CAV1: variants seen among roughly 807,000 people sequenced by gnomAD.
CAV1 encodes the protein caveolin-1.
A neutral mutation model predicts 16.5 loss-of-function variants in CAV1; 10 were observed. The observed-to-expected ratio is 0.61, with a 90% confidence interval of 0.37 to 1.03. The LOEUF (loss-of-function observed/expected upper bound fraction) is 1.03. Among genes scored for constraint, CAV1 ranks in the 50% least tolerant of loss-of-function variants. CAV1 has a pLI of 0.01. For missense variants in CAV1, 212 were observed against 232.8 expected (o/e 0.91, Z 0.58); for synonymous variants, 76 against 85.1 (o/e 0.89, Z 0.59).
intron 2 of CAV1, among the ~76,000 whole-genome samples, chr7:116,555,627 G>A (rs576525459): frequency 5.0e-5 from 7 of 140,076 alleles, no homozygotes; most frequent in African/African-American, 1.6e-4. Context: ...AGAAGGGAGG[G>A]AGGGAGGGAG....
At chr7:116,525,372 C>T (rs867204449) in intron 1 of CAV1, 1 of 1,531,080 alleles carries the variant, frequency 6.5e-7, no homozygotes, top group Non-Finnish European at 8.8e-7. Flanking sequence ...TCTGTTGGGC[C>T]CAGGACGCGT....
chr7:116,547,873 A>G (rs1289829909), intron 2 of CAV1, among the ~76,000 whole-genome samples: 2 of 152,198 alleles, frequency 1.3e-5, no homozygotes, highest in East Asian at 3.8e-4. Flanking sequence ...CATCTTACAG[A>G]TAAGAAACTT....
rs1416536610 is a variant in CAV1, at chr7:116,534,440, C to A, written c.195+7751C>A. Among the ~76,000 whole-genome samples the A allele has an allele frequency of 2.6e-5, 3 of 116,256 alleles. No individual in the cohort carries two copies. The East Asian group carries it at 1.0e-3, about 39-fold the overall frequency. 76.3% of individuals were successfully genotyped at this position (116,256 alleles called of 152,430 possible). On this transcript the variant is annotated intron_variant, in intron 2 of 2. Transcript: ENST00000341049. ...TTTGAGACGATGTCTTGCTCTGTCA[C>A]CCAGGCTGGAGTGCAGTGGCATGAT...
intron 2 of CAV1, among the ~76,000 whole-genome samples, chr7:116,534,916 T>C (rs980615619): frequency 6.6e-6 from 1 of 152,216 alleles, no homozygotes; most frequent in African/African-American, 2.4e-5. Flanking sequence ...GCCAGTAGAA[T>C]ACTTGCGGGT....
chr7:116,537,298 C>T lies in CAV1; in HGVS notation c.195+10609C>T, dbSNP rs185411403. Reference sequence around the variant, plus strand: ...AGAACCATGTCTGATGAGATATCCCCTTTAAAGGGCTCTCGGTGCAATGGG... The same window carrying T: ...AGAACCATGTCTGATGAGATATCCCTTTTAAAGGGCTCTCGGTGCAATGGG... On this transcript the variant is annotated intron_variant, in intron 2 of 2. Coordinates refer to ENST00000341049, the MANE Select transcript of CAV1 (RefSeq NM_001753.5). Among the ~76,000 whole-genome samples the T allele has an allele frequency of 7.1e-3, 1,075 of 152,128 alleles. 13 individuals are homozygous for T. Among genetic ancestry groups the T allele is most frequent in the African/African-American group, 0.024 (993 of 41,486 alleles).
chr7:116,530,405 GA>G (rs1187949467), intron 2 of CAV1, among the ~76,000 whole-genome samples: 2 of 151,900 alleles, frequency 1.3e-5, no homozygotes, highest in African/African-American at 4.8e-5. Flanking sequence ...ATATGATAAG[GA>G]ATCAAAAGTA....
At position 116,525,653 on chromosome 7, in the gene CAV1, C is replaced by CGAGA; in HGVS notation, c.30+561_30+562insGAGA. 5.5e-6 allele frequency: 6 copies of CGAGA among 1,089,088 alleles called. No homozygotes were observed. The South Asian group carries it at 8.6e-5, about 16-fold the overall frequency. The allele number at this position is 1,089,088 out of a possible 1,614,324, so 67.5% of individuals were successfully genotyped here. On this transcript the variant is annotated intron_variant, in intron 1 of 2. Transcript: ENST00000341049. ...GGGTGTTCCGAGAGAGGTAGACCTCCCCTCCCCAAACTGCCACCATCACTT... is the reference window on the plus strand; with the variant it reads ...GGGTGTTCCGAGAGAGGTAGACCTCCGAGACCTCCCCAAACTGCCACCATCACTT...
intron 2 of CAV1, among the ~76,000 whole-genome samples, chr7:116,542,063 G>A (rs977038093): frequency 3.9e-5 from 6 of 152,152 alleles, no homozygotes; most frequent in South Asian, 4.1e-4. Context: ...TCAATCAGTG[G>A]TTGAAAATGC....
intron 2 of CAV1, 195 bp downstream of exon 2, chr7:116,526,884 C>A: frequency 1.6e-6 from 1 of 634,484 alleles, no homozygotes; most frequent in Non-Finnish European, 2.8e-6. Context: ...CATCTCCCTT[C>A]CCCCATCTCC....
intron 2 of CAV1, among the ~76,000 whole-genome samples, chr7:116,536,182 C>G (rs1793809843): frequency 6.6e-6 from 1 of 152,020 alleles, no homozygotes; most frequent in South Asian, 2.1e-4. Context: ...GGACAAGAAG[C>G]AAAGGAAAAA....
chr7:116,532,912 G>A (rs988120781), intron 2 of CAV1, among the ~76,000 whole-genome samples: 2 of 152,176 alleles, frequency 1.3e-5, no homozygotes, highest in African/African-American at 2.4e-5. Flanking sequence ...ACTGGAAAGC[G>A]TTCTAGTCCC....
intron 2 of CAV1, among the ~76,000 whole-genome samples, chr7:116,553,470 G>A (rs1310069277): frequency 1.3e-5 from 2 of 151,976 alleles, no homozygotes; most frequent in Non-Finnish European, 2.9e-5. Context: ...AAATATCACT[G>A]AAGTGCATTT....
intron 2 of CAV1, among the ~76,000 whole-genome samples, chr7:116,546,697 C>CAAAAAAAAAAAAAAAAAAAAT (rs5886830): frequency 1.1e-5 from 1 of 88,386 alleles, no homozygotes; most frequent in Non-Finnish European, 2.3e-5. Context: ...GACTCTGTCA[C>CAAAAAAAAAAAAAAAAAAAAT]AAAAAAAAAA....
intron 2 of CAV1, among the ~76,000 whole-genome samples, chr7:116,543,356 A>G (rs1793976859): frequency 6.6e-6 from 1 of 152,222 alleles, no homozygotes; most frequent in African/African-American, 2.4e-5. Context: ...CTGTTAATAT[A>G]CAGACCGTGG....
At chr7:116,527,948 T>G (rs1386846990) in intron 2 of CAV1, among the ~76,000 whole-genome samples, 4 of 152,228 alleles carry the variant, frequency 2.6e-5, no homozygotes, top group African/African-American at 9.7e-5. Flanking sequence ...GCAGCTTTTT[T>G]TGACTAGCTG....
rs1401946933 is a variant in CAV1 at position 116,560,783 on chromosome 7, A to C, written c.*1496A>C. ...CATACACTTATTGGAACTCTGCTTG[A>C]TTTTTGCCTCTTCCAGTCTTCCTGA... On this transcript the variant is annotated 3_prime_UTR_variant, in exon 3 of 3. Coordinates refer to ENST00000341049, the MANE Select transcript of CAV1 (RefSeq NM_001753.5). 2 of 152,188 alleles carry C rather than the reference A, an allele frequency of 1.3e-5. No individual in the cohort carries two copies. Among genetic ancestry groups the C allele is most frequent in the Non-Finnish European group, 2.9e-5 (2 of 67,986 alleles). The allele number at this position is 152,188 out of a possible 1,614,324, so 9.4% of individuals were successfully genotyped here.
chr7:116,539,993 G>T (rs1389938412), intron 2 of CAV1, among the ~76,000 whole-genome samples: 2 of 152,164 alleles, frequency 1.3e-5, no homozygotes, highest in Non-Finnish European at 2.9e-5. Flanking sequence ...GACTAGATCA[G>T]GGAATGGCCC....
At chr7:116,558,567 G>A (rs1997571) in intron 2 of CAV1, among the ~76,000 whole-genome samples, 80,345 of 149,052 alleles carry the variant, frequency 0.54, 22,613 homozygotes, top group East Asian at 0.73. Context: ...GGGCAATATC[G>A]TGAGACTCCA....
rs138907327 is a variant in CAV1 at position 116,526,804 on chromosome 7, G to GCA, written c.195+132_195+133dup. ...ACACCCCACCCCGCCCCCTACACGC[G>GCA]CACACACACACACACACAGAGTTTT... On this transcript the variant is annotated intron_variant, in intron 2 of 2. Coordinates refer to ENST00000341049, the MANE Select transcript of CAV1 (RefSeq NM_001753.5). 8,328 of 1,002,916 alleles carry GCA rather than the reference G, an allele frequency of 8.3e-3. 16 individuals are homozygous for GCA. Among genetic ancestry groups the GCA allele is most frequent in the Non-Finnish European group, 9.1e-3 (6,175 of 676,276 alleles). 62.1% of individuals were successfully genotyped at this position (1,002,916 alleles called of 1,614,324 possible). A position where few individuals can be genotyped will look rare whatever the true frequency, so the allele number is the denominator to read the frequency against.
Sources: gnomAD v4.1 joint callset for allele counts (sites outside exome capture counted in the v4.1 genomes callset) on GRCh38, gnomAD v4.1.1 for gene constraint, MANE v1.5 for transcripts, NCBI Gene and HGNC (gene_info 2026-07-23, HGNC 2026-07-21) for gene names.